CCDC171: variants seen among roughly 807,000 people sequenced by gnomAD.
CCDC171 encodes coiled-coil domain-containing protein 171.
Under a neutral mutation model 168.2 loss-of-function variants are expected in CCDC171, and 177 were observed. That is an observed-to-expected ratio of 1.05 (90% confidence interval 0.93 to 1.19). The LOEUF is 1.19. Ranked by LOEUF, CCDC171 falls within the 50% of genes most tolerant of loss-of-function variation. The probability of loss-of-function intolerance (pLI) is 0.00; values close to 1 mark genes in which losing one functional copy is unlikely to be tolerated. For synonymous variants in CCDC171, 687 were observed against 540.8 expected, an observed-to-expected ratio of 1.27 and a Z score of -3.75; for missense variants, 1,991 against 1,539.0, an observed-to-expected ratio of 1.29 and a Z score of -4.91.
chr9:15,871,324 A>C (rs1462520476), intron 23 of CCDC171, among the ~76,000 whole-genome samples: 1 of 151,840 alleles, frequency 6.6e-6, no homozygotes, highest in Non-Finnish European at 1.5e-5. Flanking sequence ...AAGGCATAGA[A>C]TCTTGATTAT....
intron 3 of CCDC171, among the ~76,000 whole-genome samples, chr9:15,990,139 A>G (rs1302669544): frequency 6.6e-6 from 1 of 152,144 alleles, no homozygotes; most frequent in Non-Finnish European, 1.5e-5. Flanking sequence ...GATTCACCAA[A>G]GTTGAAATGA....
chr9:15,954,534 A>T (rs537570693), intron 25 of CCDC171, among the ~76,000 whole-genome samples: 1 of 151,856 alleles, frequency 6.6e-6, no homozygotes, highest in East Asian at 1.9e-4. Context: ...TTCATTCTAG[A>T]TCTCCACAGT....
chr9:16,004,590 G>A (rs576577587), intron 3 of CCDC171, among the ~76,000 whole-genome samples: 2 of 152,056 alleles, frequency 1.3e-5, no homozygotes, highest in Non-Finnish European at 2.9e-5. Flanking sequence ...CCTGCACATC[G>A]TATGACTCTA....
intron 1 of CCDC171, among the ~76,000 whole-genome samples, chr9:15,562,493 G>C (rs956656678): frequency 6.6e-6 from 1 of 152,136 alleles, no homozygotes; most frequent in Non-Finnish European, 1.5e-5. Flanking sequence ...ATTCAGATTT[G>C]AAGATGTTAG....
intron 24 of CCDC171, among the ~76,000 whole-genome samples, chr9:15,891,707 A>G (rs942385891): frequency 5.3e-5 from 8 of 152,176 alleles, no homozygotes; most frequent in Admixed American, 3.9e-4. Flanking sequence ...TTATAATCTT[A>G]ATGTAATCAA....
chr9:15,903,798 T>G (rs747137684), intron 24 of CCDC171, among the ~76,000 whole-genome samples: 60 of 152,164 alleles, frequency 3.9e-4, no homozygotes, highest in Non-Finnish European at 7.5e-4. Flanking sequence ...AGACGAATGC[T>G]AACTAGAATA....
intron 10 of CCDC171, among the ~76,000 whole-genome samples, chr9:15,681,585 T>G (rs1564200444): frequency 6.6e-6 from 1 of 152,150 alleles, no homozygotes; most frequent in Non-Finnish European, 1.5e-5. Context: ...AATGTTTTTC[T>G]TTTTATAAAT....
At chr9:15,592,113 A>G (rs960158947) in intron 5 of CCDC171, among the ~76,000 whole-genome samples, 1 of 151,714 alleles carries the variant, frequency 6.6e-6, no homozygotes, top group African/African-American at 2.4e-5. Context: ...GTAGATTTTG[A>G]GTTGTCTATA....
At chr9:15,604,665 G>C (rs867631625) in intron 6 of CCDC171, among the ~76,000 whole-genome samples, 2 of 152,114 alleles carry the variant, frequency 1.3e-5, no homozygotes, top group African/African-American at 4.8e-5. Context: ...AGGCAGTGAA[G>C]AAAGTTATCA....
chr9:15,749,775 G>C (rs899219559), intron 18 of CCDC171, among the ~76,000 whole-genome samples: 1 of 152,144 alleles, frequency 6.6e-6, no homozygotes, highest in African/African-American at 2.4e-5. Context: ...TGAAACCAAT[G>C]AGAACAAAGA....
chr9:16,103,580 T>G, the CCDC171 span, among the ~76,000 whole-genome samples: 2 of 152,232 alleles, frequency 1.3e-5, no homozygotes, highest in Admixed American at 1.3e-4. Flanking sequence ...AGAAATGTCC[T>G]TGGTAGCCGA....
At chr9:15,876,789 C>G (rs1422934496) in intron 24 of CCDC171, among the ~76,000 whole-genome samples, 1 of 151,940 alleles carries the variant, frequency 6.6e-6, no homozygotes, top group East Asian at 1.9e-4. Context: ...AGTGTGGCTA[C>G]TGACTTGGGA....
At chr9:15,588,808 C>T (rs199684438) in intron 4 of CCDC171, among the ~76,000 whole-genome samples, 4 of 150,438 alleles carry the variant, frequency 2.7e-5, no homozygotes, top group African/African-American at 4.9e-5. Flanking sequence ...CCCGGGTTCA[C>T]GTCATTCTTC....
In CCDC171 at chr9:15,692,929, G is replaced by C. The variant is rs187753837; in HGVS notation, c.1216-2306G>C. On this transcript the variant is annotated intron_variant, in intron 10 of 25. Coordinates refer to ENST00000380701, the MANE Select transcript of CCDC171 (RefSeq NM_173550.4). ...AGACGGGTGGATCACTTGAGGTCAG[G>C]AGTTCAAGACCAGCCTGGTCAACAT... Among the ~76,000 whole-genome samples, 1,470 of 151,960 alleles carry C rather than the reference G, an allele frequency of 9.7e-3. 27 individuals are homozygous for C. The highest frequency in any genetic ancestry group is 0.034 in the African/African-American group (1,405 of 41,514).
downstream of CCDC171, among the ~76,000 whole-genome samples, chr9:16,066,587 A>G (rs1213166128): frequency 6.8e-6 from 1 of 146,504 alleles, no homozygotes; most frequent in Non-Finnish European, 1.5e-5. Context: ...CATTAGGTAT[A>G]TCTCCCGATG....
intron 8 of CCDC171, among the ~76,000 whole-genome samples, chr9:15,660,600 G>A (rs948617644): frequency 6.6e-6 from 1 of 152,080 alleles, no homozygotes; most frequent in Non-Finnish European, 1.5e-5. Context: ...TTGTTAATTT[G>A]CTTAGGATAA....
intron 24 of CCDC171, among the ~76,000 whole-genome samples, chr9:15,885,299 G>A (rs900337291): frequency 2.6e-5 from 4 of 152,136 alleles, no homozygotes; most frequent in African/African-American, 7.2e-5. Flanking sequence ...AAGTAGAAAA[G>A]CTGCTGACAT....
At chr9:15,990,218 A>T (rs1832141581) in intron 3 of CCDC171, among the ~76,000 whole-genome samples, 1 of 152,148 alleles carries the variant, frequency 6.6e-6, no homozygotes, top group Non-Finnish European at 1.5e-5. Flanking sequence ...CATCAGACTG[A>T]CAGCAGATCT....
intron 21 of CCDC171, among the ~76,000 whole-genome samples, chr9:15,786,392 T>C (rs1419110180): frequency 6.6e-6 from 1 of 152,148 alleles, no homozygotes; most frequent in Non-Finnish European, 1.5e-5. Flanking sequence ...TAAAATAATC[T>C]CAAATCATAT....
Sources: gnomAD v4.1 joint callset for allele counts (sites outside exome capture counted in the v4.1 genomes callset) on GRCh38, gnomAD v4.1.1 for gene constraint, MANE v1.5 for transcripts, NCBI Gene and HGNC (gene_info 2026-07-23, HGNC 2026-07-21) for gene names.